Variants in DYSF observed in about 807,000 individuals in gnomAD.
DYSF encodes the protein dysferlin.
Under a neutral mutation model 274.9 loss-of-function variants are expected in DYSF, and 212 were observed. The ratio of observed to expected loss-of-function variants is 0.77; its 90% CI spans 0.69 to 0.86. The LOEUF is 0.86. Ranked by LOEUF, DYSF falls within the 40% of genes least tolerant of loss-of-function variation. The pLI is 0.00. For synonymous variants in DYSF, 1,091 were observed against 1,078.7 expected (o/e 1.01, Z -0.22); for missense variants, 2,666 against 2,783.2 (o/e 0.96, Z 0.95).
chr2:71,618,036 GAT>G (rs1311533789), intron 40 of DYSF, among the ~76,000 whole-genome samples: 14 of 102,418 alleles, frequency 1.4e-4, no homozygotes, highest in South Asian at 3.8e-4. Flanking sequence ...GTGTGGTAGA[GAT>G]GGTGTGTGTG....
intron 29 of DYSF, among the ~76,000 whole-genome samples, chr2:71,572,887 C>T (rs1241844722): frequency 2.6e-5 from 4 of 152,336 alleles, no homozygotes; most frequent in East Asian, 1.9e-4. Flanking sequence ...CGTTGGCATT[C>T]ATGCAATGCA....
chr2:71,525,980 C>A, intron 12 of DYSF, among the ~76,000 whole-genome samples: 1 of 152,290 alleles, frequency 6.6e-6, no homozygotes, highest in South Asian at 2.1e-4. Context: ...TACATCATTA[C>A]TGGAGATGTT....
chr2:71,562,093 C>T (rs2091815014), intron 23 of DYSF, 149 bp downstream of exon 23: 1 of 1,014,860 alleles, frequency 9.9e-7, no homozygotes, highest in Non-Finnish European at 1.5e-6. Context: ...CTCTCTGAAC[C>T]TCAATGGACC....
chr2:71,455,432 C>T (rs1345075602), intron 1 of DYSF, among the ~76,000 whole-genome samples: 3 of 152,162 alleles, frequency 2.0e-5, no homozygotes, highest in African/African-American at 4.8e-5. Context: ...TTTTTCCTAA[C>T]GTGCTGCTTT....
intron 20 of DYSF, 59 bp downstream of exon 20, chr2:71,553,247 C>T: frequency 6.2e-7 from 1 of 1,608,284 alleles, no homozygotes; most frequent in Non-Finnish European, 8.5e-7. Flanking sequence ...GGGGGCCACA[C>T]CTTAAATCCC....
At chr2:71,524,415 G>C (rs1216638565) in intron 12 of DYSF, among the ~76,000 whole-genome samples, 2 of 152,188 alleles carry the variant, frequency 1.3e-5, no homozygotes, top group Non-Finnish European at 2.9e-5. Context: ...CATTTTTATG[G>C]ATGCCTGAAA....
chr2:71,568,708 G>C (rs1326800992), intron 26 of DYSF, among the ~76,000 whole-genome samples: 1 of 151,748 alleles, frequency 6.6e-6, no homozygotes, highest in Non-Finnish European at 1.5e-5. Flanking sequence ...CCACAGGCGT[G>C]CGCCATCATG....
At position 71,551,629 on chromosome 2, in the gene DYSF, G is replaced by T. The variant is rs1408891115; in HGVS notation, c.1715G>T (p.Gly572Val). 1.9e-6 allele frequency: 3 copies of T among 1,607,848 alleles called. No individual in the cohort carries two copies. The highest frequency in any genetic ancestry group is 3.4e-5 in the Admixed American group (2 of 59,080). ...CAGGGGGAAGGTGTGGCTTATCGTG[G>T]CCGGCTTCTGCTCTCCCTGGAGACC... ...TGKGEGVAYR[G>V]RLLLSLETKL... is the part of the protein sequence containing the mutation. The change falls in exon 19 of 56, where the codon GGC becomes GTC. Residue 572 changes from glycine (G) to valine (V), a missense_variant. By Grantham distance (109) the Gly-to-Val change is moderately radical. Around this residue, in one of 3 missense-constraint regions of DYSF, gnomAD observed 794 missense variants for 777.1 expected, o/e 1.02. Coordinates refer to ENST00000410020, the MANE Select transcript of DYSF (RefSeq NM_001130987.2).
chr2:71,580,536 C>G (rs1192246172), intron 30 of DYSF, among the ~76,000 whole-genome samples: 1 of 152,226 alleles, frequency 6.6e-6, no homozygotes, highest in Non-Finnish European at 1.5e-5. Flanking sequence ...GTTCCCAGAG[C>G]TGGCACTGTG....
intron 4 of DYSF, among the ~76,000 whole-genome samples, chr2:71,504,525 G>A (rs978046367): frequency 6.6e-6 from 1 of 152,178 alleles, no homozygotes; most frequent in Non-Finnish European, 1.5e-5. Context: ...TGTGGTCAAG[G>A]AGGACCCCAA....
intron 14 of DYSF, among the ~76,000 whole-genome samples, chr2:71,533,911 T>A (rs112060101): frequency 6.6e-6 from 1 of 152,366 alleles, no homozygotes; most frequent in African/African-American, 2.4e-5. Context: ...TTCTGTGAAC[T>A]GTCTCTTCCA....
In DYSF at chr2:71,561,897, G is replaced by A; in HGVS notation, c.2362G>A (p.Glu788Lys). ...LGHSELPAAL[E>K]QAEDWLLRLR... ...CCACAGTGAGCTCCCTGCAGCTCTG[G>A]AGCAGGCGGAGGACTGGCTCCTGCG... The change falls in exon 23 of 56, where the codon GAG becomes AAG. Residue 788 changes from glutamate to lysine, a missense_variant. By Grantham distance (56) the Glu-to-Lys change is moderately conservative (BLOSUM62 1). This residue lies in a region of DYSF where 412 missense variants were observed against 504.0 expected (regional missense o/e 0.82). Coordinates refer to ENST00000410020, the MANE Select transcript of DYSF (RefSeq NM_001130987.2). The A allele has an allele frequency of 6.2e-7, 1 of 1,614,120 alleles. No individual in the cohort carries two copies.
At position 71,600,575 on chromosome 2, in the gene DYSF, G is replaced by A. The variant is rs138688880; in HGVS notation, c.3757-127G>A. 4.0e-4 allele frequency: 533 copies of A among 1,316,948 alleles called. 4 individuals are homozygous for A. The African/African-American group carries it at 6.3e-3, about 16-fold the overall frequency. 81.6% of individuals were successfully genotyped at this position (1,316,948 alleles called of 1,614,324 possible). A position where few individuals can be genotyped will look rare whatever the true frequency, so the allele number is the denominator to read the frequency against. ...AGGAGAGCAGAATTCACCATTCTGTGGGAGGGGGTGCCCTTACTACTGAGG... is the reference window on the plus strand; with the variant it reads ...AGGAGAGCAGAATTCACCATTCTGTAGGAGGGGGTGCCCTTACTACTGAGG... On this transcript the variant is annotated intron_variant, in intron 33 of 55. Coordinates refer to ENST00000410020, the MANE Select transcript of DYSF (RefSeq NM_001130987.2).
upstream of DYSF, among the ~76,000 whole-genome samples, chr2:71,463,570 T>C (rs945535867): frequency 2.6e-4 from 39 of 152,314 alleles, no homozygotes; most frequent in Non-Finnish European, 4.3e-4. Flanking sequence ...CAGTGGCCAC[T>C]CCAGATGGGC....
At chr2:71,545,085 A>C (rs1559123536) in intron 17 of DYSF, among the ~76,000 whole-genome samples, 1 of 152,224 alleles carries the variant, frequency 6.6e-6, no homozygotes, top group Non-Finnish European at 1.5e-5. Context: ...GACAGAATCA[A>C]GGAAGGCTTC....
intron 32 of DYSF, among the ~76,000 whole-genome samples, chr2:71,595,490 G>C (rs2093381056): frequency 6.6e-6 from 1 of 152,162 alleles, no homozygotes; most frequent in Non-Finnish European, 1.5e-5. Context: ...CCCGACCCTG[G>C]TGGTCTGAGT....
intron 51 of DYSF, among the ~76,000 whole-genome samples, chr2:71,671,140 C>T (rs3791831): frequency 6.6e-6 from 1 of 152,142 alleles, no homozygotes; most frequent in East Asian, 1.9e-4. Flanking sequence ...CAAAATGTTC[C>T]GCGGAACATT....
intron 1 of DYSF, among the ~76,000 whole-genome samples, chr2:71,470,737 T>TTTCCTTCCTTCCTTCCTTCCTTCC (rs56939256): frequency 4.2e-5 from 4 of 96,044 alleles, no homozygotes; most frequent in African/African-American, 8.6e-5. Flanking sequence ...TCCTTCCTTC[T>TTTCCTTCCTTCCTTCCTTCCTTCC]TTCCTTCCTT....
At chr2:71,619,921 G>C (rs1461023039) in intron 40 of DYSF, among the ~76,000 whole-genome samples, 1 of 152,210 alleles carries the variant, frequency 6.6e-6, no homozygotes, top group Non-Finnish European at 1.5e-5. Context: ...ACAGTACTGG[G>C]AGATTGTAGG....
Sources: gnomAD v4.1 joint callset for allele counts (sites outside exome capture counted in the v4.1 genomes callset) on GRCh38, gnomAD v4.1.1 for gene constraint, gnomAD v4.1.1 regional missense constraint, MANE v1.5 for transcripts, NCBI Gene and HGNC (gene_info 2026-07-23, HGNC 2026-07-21) for gene names.